Variants in IGHMBP2 observed in about 807,000 individuals in gnomAD.
IGHMBP2 encodes the protein immunoglobulin mu DNA binding protein 2.
In IGHMBP2, 81 loss-of-function variants were observed where a neutral mutation model predicts 96.0. That is an observed-to-expected ratio of 0.84 (90% confidence interval 0.71 to 1.01). The LOEUF is 1.01. Ranked by LOEUF, IGHMBP2 falls within the 50% of genes least tolerant of loss-of-function variation. The pLI is 0.00. For synonymous variants in IGHMBP2, 557 were observed against 548.9 expected, an observed-to-expected ratio of 1.01 and a Z score of -0.21; for missense variants, 1,227 against 1,306.3, an observed-to-expected ratio of 0.94 and a Z score of 0.94.
intron 1 of IGHMBP2, among the ~76,000 whole-genome samples, chr11:68,905,519 G>T (rs949590886): frequency 2.0e-5 from 3 of 152,210 alleles, no homozygotes; most frequent in African/African-American, 7.2e-5. Flanking sequence ...GAGCAGACTG[G>T]CAGGGCGAGC....
intron 8 of IGHMBP2, chr11:68,930,036 G>A (rs917060394): frequency 2.6e-5 from 29 of 1,102,594 alleles, no homozygotes; most frequent in African/African-American, 5.4e-5. Flanking sequence ...CACAGGCCTC[G>A]CTGGCCCCTC....
chr11:68,937,104 A>T lies in IGHMBP2; in HGVS notation c.2611+13A>T. 2 of 1,596,174 alleles carry T rather than the reference A, an allele frequency of 1.3e-6. No homozygotes were observed. Among genetic ancestry groups the T allele is most frequent in the Non-Finnish European group, 1.7e-6 (2 of 1,179,762 alleles). On this transcript the variant is annotated intron_variant, in intron 13 of 14. Coordinates refer to ENST00000255078, the MANE Select transcript of IGHMBP2 (RefSeq NM_002180.3). ...AAAAAAGCCAAAGGTAAGTCAACTA[A>T]TAAGAACTTGGGGCAGTGTCCCCTC...
At chr11:68,916,575 C>G (rs1372956743) in intron 6 of IGHMBP2, among the ~76,000 whole-genome samples, 1 of 152,152 alleles carries the variant, frequency 6.6e-6, no homozygotes, top group African/African-American at 2.4e-5. Context: ...GCTCTAATGT[C>G]TGTGCTCACA....
chr11:68,938,236 C>T lies in IGHMBP2; in HGVS notation c.2666C>T (p.Ala889Val), dbSNP rs1859627515. 46 of 1,613,942 alleles carry T rather than the reference C, an allele frequency of 2.9e-5. No individual in the cohort carries two copies. Among genetic ancestry groups the T allele is most frequent in the Non-Finnish European group, 3.8e-5 (45 of 1,180,036 alleles). ...GAGGACTTTGAGGCCCTGGTTTCTG[C>T]CGCCGTTAAGGCTGATAACACCTGC... ...TEEDFEALVS[A>V]AVKADNTCGF... Residue 889 changes from alanine (A) to valine (V), a missense_variant, in exon 14 of 15, where the codon GCC (alanine) becomes GTC (valine). By Grantham distance (64) the Ala-to-Val change is moderately conservative. Around this residue, in one of 3 missense-constraint regions of IGHMBP2, gnomAD observed 703 missense variants for 770.3 expected, o/e 0.91. Transcript: ENST00000255078.
At chr11:68,934,360 T>G in intron 10 of IGHMBP2, 104 bp from the exon 11 acceptor site, 1 of 809,142 alleles carries the variant, frequency 1.2e-6, no homozygotes, top group Non-Finnish European at 2.1e-6. Context: ...GAGTGGAGGA[T>G]CAGCTGGCCA....
Position 68,908,547 on chromosome 11 carries a change from C to T in IGHMBP2, c.463C>T (p.Leu155=), listed in dbSNP as rs2154006722. Residue 155 remains leucine, a synonymous_variant, in exon 4 of 15, where the codon CTA becomes TTA. Coordinates refer to ENST00000255078, the MANE Select transcript of IGHMBP2 (RefSeq NM_002180.3). ...YRRLKKALIA[L]KKYHSGPASS... Reference sequence around the variant, plus strand: ...CTCCCTTGGCAGAGCCCTGATTGCTCTAAAGAAGTATCATTCTGGCCCAGC... The same window carrying T: ...CTCCCTTGGCAGAGCCCTGATTGCTTTAAAGAAGTATCATTCTGGCCCAGC... 6.2e-7 allele frequency: 1 copy of T among 1,613,748 alleles called. No individual in the cohort carries two copies. Among genetic ancestry groups the T allele is most frequent in the East Asian group, 2.2e-5 (1 of 44,872 alleles).
chr11:68,928,670 C>T (rs1859159592), intron 7 of IGHMBP2, among the ~76,000 whole-genome samples: 1 of 152,140 alleles, frequency 6.6e-6, no homozygotes, highest in Non-Finnish European at 1.5e-5. Flanking sequence ...CTGGAGACAG[C>T]GTGGGGCCTG....
At chr11:68,937,240 A>T in intron 13 of IGHMBP2, 149 bp downstream of exon 13, 1 of 1,029,162 alleles carries the variant, frequency 9.7e-7, no homozygotes, top group South Asian at 1.4e-5. Flanking sequence ...CAGTCATGCC[A>T]CTCCCAGCTC....
chr11:68,925,425 A>C (rs547119647), intron 7 of IGHMBP2, among the ~76,000 whole-genome samples: 34 of 152,292 alleles, frequency 2.2e-4, no homozygotes, highest in Admixed American at 5.9e-4. Flanking sequence ...CTAGGATTAC[A>C]GGAGTGAGCC....
intron 7 of IGHMBP2, among the ~76,000 whole-genome samples, chr11:68,918,114 T>G (rs1454237979): frequency 6.6e-6 from 1 of 152,224 alleles, no homozygotes. Flanking sequence ...TTTTCTTCCA[T>G]GAGCTTGTAG....
At chr11:68,923,722 G>A (rs1055907650) in intron 7 of IGHMBP2, among the ~76,000 whole-genome samples, 7 of 152,024 alleles carry the variant, frequency 4.6e-5, no homozygotes, top group African/African-American at 9.7e-5. Context: ...TGCTGTTCCC[G>A]GCCTTGTGTG....
chr11:68,906,440 G>A lies in IGHMBP2; in HGVS notation c.256+202G>A, dbSNP rs374390242. The A allele has an allele frequency of 9.8e-5, 61 of 624,298 alleles. No homozygotes were observed. The Middle Eastern group carries it at 1.3e-3, about 13-fold the overall frequency. The allele number at this position is 624,298 out of a possible 1,614,324, so 38.7% of individuals were successfully genotyped here. ...CCAAAATGGTAGCCATTAGCCATGC[G>A]TGGTCATCAAATGTTTGAAGTGTGG... On this transcript the variant is annotated intron_variant, in intron 2 of 14. Transcript: ENST00000255078.
intron 7 of IGHMBP2, among the ~76,000 whole-genome samples, chr11:68,928,721 C>T (rs949855279): frequency 3.3e-5 from 5 of 152,094 alleles, no homozygotes; most frequent in African/African-American, 4.8e-5. Context: ...TGCTGCTCCG[C>T]GTCCCAGGAA....
chr11:68,904,316 C>G (rs535953044), intron 1 of IGHMBP2, among the ~76,000 whole-genome samples: 23 of 152,308 alleles, frequency 1.5e-4, no homozygotes, highest in African/African-American at 5.5e-4. Flanking sequence ...CTGGCCCCGA[C>G]CCCAGTTCCA....
chr11:68,923,602 A>G (rs115701480), intron 7 of IGHMBP2, among the ~76,000 whole-genome samples: 173 of 152,318 alleles, frequency 1.1e-3, no homozygotes, highest in African/African-American at 4.0e-3. Flanking sequence ...GGTCTGGATC[A>G]GTGCTTAGTC....
chr11:68,917,713 ATCTC>A lies in IGHMBP2; in HGVS notation c.913-22_913-19del. 6.3e-7 allele frequency: 1 copy of A among 1,595,584 alleles called. No individual in the cohort carries two copies. The highest frequency in any genetic ancestry group is 8.6e-7 in the Non-Finnish European group (1 of 1,164,180). ...TACAAAGTTGGACTGAAGTAAGTGT[ATCTC>A]CTTTGTTTTTCTTTATAGGTGAAAA... On this transcript the variant is annotated intron_variant, in intron 6 of 14. Transcript: ENST00000255078.
Position 68,936,545 on chromosome 11 carries a change from C to T in IGHMBP2, c.2065C>T (p.Pro689Ser). 6.2e-7 allele frequency: 1 copy of T among 1,612,780 alleles called. No homozygotes were observed. The change falls in exon 13 of 15, where the codon CCT becomes TCT. Residue 689 changes from proline to serine, a missense_variant. By Grantham distance (74) the Pro-to-Ser change is moderately conservative. Transcript: ENST00000255078. ...GGAGGGAGGCCAGGAGGCTGCAGCACCTGCCAGACAGGGCCGGAAGAAGCC... is the reference window on the plus strand; with the variant it reads ...GGAGGGAGGCCAGGAGGCTGCAGCATCTGCCAGACAGGGCCGGAAGAAGCC... ...RQEGGQEAAA[P>S]ARQGRKKPAG...
intron 11 of IGHMBP2, 116 bp downstream of exon 11, chr11:68,934,674 T>A: frequency 1.2e-6 from 1 of 802,848 alleles, no homozygotes; most frequent in Admixed American, 2.0e-5. Flanking sequence ...GGGGTAGGGC[T>A]GACCTTATTG....
At chr11:68,916,104 G>GT (rs11455107) in intron 6 of IGHMBP2, among the ~76,000 whole-genome samples, 37,756 of 151,602 alleles carry the variant, frequency 0.25, 5,398 homozygotes, top group South Asian at 0.45. Flanking sequence ...AACCTGGGAG[G>GT]TGGAGGTTGC....
Sources: allele counts gnomAD v4.1 joint callset (sites outside exome capture counted in the v4.1 genomes callset), GRCh38; gene constraint gnomAD v4.1.1; regional missense constraint gnomAD v4.1.1; transcripts MANE v1.5; gene names NCBI Gene and HGNC (gene_info 2026-07-23, HGNC 2026-07-21).